The following ENTREP2 variants were observed in gnomAD, a reference collection of about 807,000 sequenced individuals.
ENTREP2 encodes protein ENTREP2.
At chr15:29,365,937 G>C in the ENTREP2 span, among the ~76,000 whole-genome samples, 1 of 152,056 alleles carries the variant, frequency 6.6e-6, no homozygotes, top group Non-Finnish European at 1.5e-5. Flanking sequence ...CAGCATTCAC[G>C]CTGAAACACG....
chr15:29,469,309 C>T, the ENTREP2 span, among the ~76,000 whole-genome samples: 21 of 152,358 alleles, frequency 1.4e-4, no homozygotes, highest in East Asian at 4.0e-3. Flanking sequence ...AAGCAATTCT[C>T]CTGCCTCAGC....
At chr15:29,266,895 G>A in the ENTREP2 span, 2 of 152,134 alleles carry the variant, frequency 1.3e-5, no homozygotes, top group Non-Finnish European at 2.9e-5. Flanking sequence ...AAAGCGGGGG[G>A]AATTTTGCCT....
chr15:29,372,958 C>T, the ENTREP2 span, among the ~76,000 whole-genome samples: 43,010 of 151,850 alleles, frequency 0.28, 10,151 homozygotes, highest in African/African-American at 0.65. Flanking sequence ...TAAAAATAAG[C>T]TTTGATTCAA....
At chr15:29,365,298 G>A in the ENTREP2 span, among the ~76,000 whole-genome samples, 1 of 149,832 alleles carries the variant, frequency 6.7e-6, no homozygotes. Flanking sequence ...TGTTGCCCAG[G>A]CTGGAGTGCA....
chr15:29,657,835 G>A, the ENTREP2 span, among the ~76,000 whole-genome samples: 33 of 152,086 alleles, frequency 2.2e-4, no homozygotes, highest in Non-Finnish European at 4.1e-4. Flanking sequence ...TGACATATAT[G>A]TATGAAATAC....
chr15:29,126,550 CA>C, the ENTREP2 span: 4 of 1,430,726 alleles, frequency 2.8e-6, no homozygotes, highest in Non-Finnish European at 3.8e-6. Context: ...TGGCGTGGGA[CA>C]GGCCTGCCCC....
the ENTREP2 span, among the ~76,000 whole-genome samples, chr15:29,427,154 C>T: frequency 6.6e-6 from 1 of 152,166 alleles, no homozygotes; most frequent in African/African-American, 2.4e-5. Flanking sequence ...TTTATAAACA[C>T]TGAGTATATA....
chr15:29,466,580 A>G, the ENTREP2 span, among the ~76,000 whole-genome samples: 1,089 of 73,412 alleles, frequency 0.015, no homozygotes, highest in Middle Eastern at 0.036. Flanking sequence ...CCCAGGGGAG[A>G]GCCCAGGGGA....
the ENTREP2 span, among the ~76,000 whole-genome samples, chr15:29,168,035 G>A: frequency 6.6e-6 from 1 of 152,190 alleles, no homozygotes; most frequent in Non-Finnish European, 1.5e-5. Context: ...ACCTGGATAA[G>A]ATTGGAGACT....
At chr15:29,280,573 T>C in the ENTREP2 span, among the ~76,000 whole-genome samples, 530 of 152,250 alleles carry the variant, frequency 3.5e-3, 3 homozygotes, top group African/African-American at 0.012. Flanking sequence ...TACAAAGATG[T>C]TCCCTGGCAG....
At chr15:29,585,004 T>TAGAC in the ENTREP2 span, among the ~76,000 whole-genome samples, 1 of 40,902 alleles carries the variant, frequency 2.4e-5, no homozygotes, top group Non-Finnish European at 1.2e-4. Context: ...GATGGATAGA[T>TAGAC]AGATAGATAG....
chr15:29,405,383 C>T, the ENTREP2 span, among the ~76,000 whole-genome samples: 222 of 149,976 alleles, frequency 1.5e-3, no homozygotes, highest in African/African-American at 5.2e-3. Flanking sequence ...AGCAAGACTC[C>T]GTCTCCAGAA....
the ENTREP2 span, among the ~76,000 whole-genome samples, chr15:29,170,738 C>T: frequency 1.1e-4 from 16 of 152,324 alleles, no homozygotes; most frequent in South Asian, 3.3e-3. Flanking sequence ...GGGCGCTTGC[C>T]AGAACTCGAC....
At chr15:29,306,863 AG>A in the ENTREP2 span, among the ~76,000 whole-genome samples, 1 of 151,480 alleles carries the variant, frequency 6.6e-6, no homozygotes, top group Non-Finnish European at 1.5e-5. Context: ...CTCCAACCTC[AG>A]CCTCCTGAGT....
the ENTREP2 span, among the ~76,000 whole-genome samples, chr15:29,273,461 G>A: frequency 1.3e-5 from 2 of 152,114 alleles, no homozygotes; most frequent in Non-Finnish European, 2.9e-5. Context: ...GCCTCCCAAA[G>A]TGTTAGGATT....
At chr15:29,281,045 C>T in the ENTREP2 span, among the ~76,000 whole-genome samples, 1 of 152,122 alleles carries the variant, frequency 6.6e-6, no homozygotes, top group African/African-American at 2.4e-5. Context: ...GGTTCATACT[C>T]TCATGCATTT....
the ENTREP2 span, among the ~76,000 whole-genome samples, chr15:29,465,200 C>A: frequency 2.6e-5 from 4 of 151,904 alleles, no homozygotes; most frequent in African/African-American, 9.7e-5. Flanking sequence ...CAGATGAAAA[C>A]TGGGTGACCA....
chr15:29,422,650 C>T, the ENTREP2 span, among the ~76,000 whole-genome samples: 1 of 152,196 alleles, frequency 6.6e-6, no homozygotes, highest in African/African-American at 2.4e-5. Flanking sequence ...CTACCCCCAC[C>T]CTCTACCATC....
chr15:29,401,664 T>C, the ENTREP2 span, among the ~76,000 whole-genome samples: 3 of 152,242 alleles, frequency 2.0e-5, no homozygotes, highest in Non-Finnish European at 4.4e-5. Flanking sequence ...GAATTTAACC[T>C]GTGGATATAC....
Sources: gnomAD v4.1 joint callset for allele counts (sites outside exome capture counted in the v4.1 genomes callset) on GRCh38, gnomAD v4.1.1 for gene constraint, MANE v1.5 for transcripts, NCBI Gene and HGNC (gene_info 2026-07-23, HGNC 2026-07-21) for gene names.